Variants in SORCS3 observed in about 807,000 individuals in gnomAD.
SORCS3 encodes sortilin related VPS10 domain containing receptor 3.
Under a neutral mutation model 146.3 loss-of-function variants are expected in SORCS3, and 57 were observed. The observed-to-expected ratio is 0.39, with a 90% CI of 0.31 to 0.49. The LOEUF is 0.49. Among genes scored for constraint, SORCS3 ranks in the 20% least tolerant of loss-of-function variants. SORCS3 has a pLI of 0.92. For synonymous variants in SORCS3, 653 were observed against 618.5 expected (o/e 1.06, Z -0.83); for missense variants, 1,341 against 1,575.5 (o/e 0.85, Z 2.52).
intron 15 of SORCS3, among the ~76,000 whole-genome samples, chr10:105,200,843 T>C (rs2056570254): frequency 6.6e-6 from 1 of 152,148 alleles, no homozygotes; most frequent in Non-Finnish European, 1.5e-5. Flanking sequence ...AGTCCTTACA[T>C]TCTCTATGGA....
At chr10:105,040,944 A>T (rs1158546083) in intron 4 of SORCS3, among the ~76,000 whole-genome samples, 1 of 150,010 alleles carries the variant, frequency 6.7e-6, no homozygotes, top group Non-Finnish European at 1.5e-5. Context: ...CAGTACCTTC[A>T]TCTATAAAAT....
chr10:104,760,356 C>A, intron 1 of SORCS3, among the ~76,000 whole-genome samples: 1 of 152,288 alleles, frequency 6.6e-6, no homozygotes, highest in Admixed American at 6.5e-5. Context: ...GTTAATCAAA[C>A]ATTATTAAAC....
chr10:104,696,658 GTA>G (rs1251021944), intron 1 of SORCS3, among the ~76,000 whole-genome samples: 13 of 24,206 alleles, frequency 5.4e-4, no homozygotes, highest in African/African-American at 1.7e-3. Flanking sequence ...TATTATATAC[GTA>G]TATATAATAT....
intron 20 of SORCS3, among the ~76,000 whole-genome samples, chr10:105,234,671 T>C (rs183933698): frequency 8.8e-4 from 134 of 152,166 alleles, no homozygotes; most frequent in Non-Finnish European, 1.7e-3. Flanking sequence ...ATCAAAGGCA[T>C]TTTTAAATTT....
chr10:105,178,126 T>C lies in SORCS3; in HGVS notation c.1962T>C (p.Phe654=). ...ATGGTTTCACTTCGGTTCCTCTCTT[T>C]GTTGACGGGGCTCTGGTGGAGGCAG... ...DKYGFTSVPL[F]VDGALVEAGM... Residue 654 remains phenylalanine, a synonymous_variant, in exon 14 of 27, where the codon TTT becomes TTC. Coordinates refer to ENST00000369701, the MANE Select transcript of SORCS3 (RefSeq NM_014978.3). 1 of 1,613,698 alleles carries C rather than the reference T, an allele frequency of 6.2e-7. No homozygotes were observed. Among genetic ancestry groups the C allele is most frequent in the Non-Finnish European group, 8.5e-7 (1 of 1,179,806 alleles).
intron 2 of SORCS3, among the ~76,000 whole-genome samples, chr10:104,862,769 A>G (rs1483384980): frequency 2.0e-5 from 3 of 152,184 alleles, no homozygotes; most frequent in African/African-American, 7.2e-5. Flanking sequence ...CTGTTATCAT[A>G]GTATTGTTTT....
chr10:105,228,690 T>A (rs1199273883), intron 20 of SORCS3, among the ~76,000 whole-genome samples: 1 of 152,198 alleles, frequency 6.6e-6, no homozygotes, highest in East Asian at 1.9e-4. Flanking sequence ...TCCTGGTTTG[T>A]AAGATTTCTG....
intron 9 of SORCS3, among the ~76,000 whole-genome samples, chr10:105,153,294 C>G (rs1200622008): frequency 6.6e-6 from 1 of 152,016 alleles, no homozygotes; most frequent in African/African-American, 2.4e-5. Flanking sequence ...TATATTGGTT[C>G]CTTCTGTTTC....
At chr10:105,226,659 G>C (rs2056735552) in intron 20 of SORCS3, among the ~76,000 whole-genome samples, 1 of 151,940 alleles carries the variant, frequency 6.6e-6, no homozygotes, top group South Asian at 2.1e-4. Flanking sequence ...AAGTTTGATA[G>C]AATTCAGCAG....
chr10:105,062,523 A>G (rs2055494668), intron 5 of SORCS3, among the ~76,000 whole-genome samples: 1 of 152,140 alleles, frequency 6.6e-6, no homozygotes, highest in Non-Finnish European at 1.5e-5. Flanking sequence ...GGGAGGGTAG[A>G]CCAGAGCAGG....
chr10:104,665,070 T>C (rs183532879), intron 1 of SORCS3: 123 of 152,690 alleles, frequency 8.1e-4, no homozygotes, highest in Admixed American at 1.1e-3. Flanking sequence ...GGCTTTTCTC[T>C]GATGCATGGT....
intron 1 of SORCS3, among the ~76,000 whole-genome samples, chr10:104,674,077 A>G (rs1467035529): frequency 6.6e-6 from 1 of 152,230 alleles, no homozygotes; most frequent in African/African-American, 2.4e-5. Flanking sequence ...AGATCAAGAC[A>G]TAGAACAATT....
chr10:105,208,218 GT>G (rs1354613967), intron 16 of SORCS3, among the ~76,000 whole-genome samples: 1 of 152,084 alleles, frequency 6.6e-6, no homozygotes. Flanking sequence ...GTGGGTGCCT[GT>G]AATCCCAGGT....
At chr10:105,193,076 A>AT (rs1188405328) in intron 14 of SORCS3, among the ~76,000 whole-genome samples, 1 of 152,074 alleles carries the variant, frequency 6.6e-6, no homozygotes, top group Non-Finnish European at 1.5e-5. Context: ...GAGGTCTTTT[A>AT]TTTTTGTGAA....
chr10:105,164,339 G>A lies in SORCS3; in HGVS notation c.1769G>A (p.Gly590Asp). The A allele has an allele frequency of 6.2e-7, 1 of 1,613,690 alleles. No individual in the cohort carries two copies. Among genetic ancestry groups the A allele is most frequent in the Non-Finnish European group, 8.5e-7 (1 of 1,179,732 alleles). The change falls in exon 12 of 27, where the codon GGT becomes GAT. Residue 590 changes from glycine to aspartate, a missense_variant. Transcript: ENST00000369701. ...CCGGAGCTCTCATATACTGATATTG[G>A]TGTGTTCATCTCCTCCGATGGGGGC... ...IGPELSYTDIGVFISSDGGNT... is the reference protein window; with the variant it reads ...IGPELSYTDIDVFISSDGGNT...
intron 6 of SORCS3, among the ~76,000 whole-genome samples, chr10:105,096,175 C>T (rs1564752791): frequency 6.6e-6 from 1 of 151,958 alleles, no homozygotes; most frequent in East Asian, 1.9e-4. Flanking sequence ...CTTACCTGGG[C>T]CCCACCACAA....
Position 104,711,449 on chromosome 10 carries a change from C to T in SORCS3, c.627+69495C>T, listed in dbSNP as rs1385525765. ...GAAAACTGAGGCTGGAAAGGTCAAG[C>T]GTCTTACTGGAGGCCACATAGTTGG... On this transcript the variant is annotated intron_variant, in intron 1 of 26. Coordinates refer to ENST00000369701, the MANE Select transcript of SORCS3 (RefSeq NM_014978.3). Among the ~76,000 whole-genome samples the T allele has an allele frequency of 2.0e-5, 3 of 152,174 alleles. No individual in the cohort carries two copies. The East Asian group carries it at 5.8e-4, about 29-fold the overall frequency.
At chr10:105,255,169 A>G (rs936933094) in intron 23 of SORCS3, among the ~76,000 whole-genome samples, 13 of 144,958 alleles carry the variant, frequency 9.0e-5, no homozygotes, top group Non-Finnish European at 2.0e-4. Flanking sequence ...AACCTGGGCG[A>G]CAGCGAGACT....
At chr10:104,979,907 C>G (rs1218895113) in intron 4 of SORCS3, among the ~76,000 whole-genome samples, 1 of 152,100 alleles carries the variant, frequency 6.6e-6, no homozygotes, top group Non-Finnish European at 1.5e-5. Context: ...ATAAGAAGCT[C>G]AGACCTCTTA....
Sources: gnomAD v4.1 joint callset for allele counts (sites outside exome capture counted in the v4.1 genomes callset) on GRCh38, gnomAD v4.1.1 for gene constraint, MANE v1.5 for transcripts, NCBI Gene and HGNC (gene_info 2026-07-23, HGNC 2026-07-21) for gene names.